CECR2: variants seen among roughly 807,000 people sequenced by gnomAD.
CECR2 encodes the protein chromatin remodeling regulator CECR2.
A neutral mutation model predicts 154.5 loss-of-function variants in CECR2; 30 were observed. The ratio of observed to expected loss-of-function variants is 0.19; its 90% CI spans 0.15 to 0.26. The LOEUF is 0.26. CECR2 is among the 10% of genes least tolerant of loss of function. The pLI, the probability that CECR2 is intolerant of heterozygous loss-of-function variation, is 1.00. For missense variants in CECR2, 1,743 were observed against 1,829.3 expected, an observed-to-expected ratio of 0.95 and a Z score of 0.86; for synonymous variants, 725 against 683.7, an observed-to-expected ratio of 1.06 and a Z score of -0.94.
At chr22:17,518,806 C>T (rs1569137255) in intron 8 of CECR2, 1 of 335,626 alleles carries the variant, frequency 3.0e-6, no homozygotes, top group East Asian at 8.7e-5. Context: ...TCTTTTTTCA[C>T]CATTGGATAG....
intron 1 of CECR2, among the ~76,000 whole-genome samples, chr22:17,456,765 G>A (rs1319864286): frequency 1.3e-5 from 2 of 152,130 alleles, no homozygotes; most frequent in African/African-American, 4.8e-5. Flanking sequence ...ACAGCATCAC[G>A]ATATGGAGAT....
intron 8 of CECR2, among the ~76,000 whole-genome samples, chr22:17,515,552 A>G (rs1159734698): frequency 1.3e-5 from 2 of 152,232 alleles, no homozygotes; most frequent in African/African-American, 2.4e-5. Context: ...TGTGATCAGT[A>G]TATTGAGACA....
intron 1 of CECR2, among the ~76,000 whole-genome samples, chr22:17,447,556 G>A (rs902037576): frequency 1.3e-5 from 2 of 151,164 alleles, no homozygotes; most frequent in East Asian, 3.9e-4. Context: ...TCATTCATTA[G>A]TTCATTCATA....
intron 1 of CECR2, among the ~76,000 whole-genome samples, chr22:17,406,703 GCT>G (rs1032071880): frequency 6.6e-5 from 10 of 152,140 alleles, no homozygotes; most frequent in Non-Finnish European, 1.2e-4. Flanking sequence ...AATCCTGCCA[GCT>G]CTTTCTTCTA....
upstream of CECR2, among the ~76,000 whole-genome samples, chr22:17,368,773 C>G (rs753815259): frequency 8.5e-5 from 13 of 152,090 alleles, no homozygotes; most frequent in Non-Finnish European, 1.2e-4. Context: ...TCACACGTGT[C>G]CATTCCCTGG....
At chr22:17,387,387 A>G (rs2063275718) in intron 1 of CECR2, among the ~76,000 whole-genome samples, 1 of 152,218 alleles carries the variant, frequency 6.6e-6, no homozygotes, top group Non-Finnish European at 1.5e-5. Context: ...AGGAAATACA[A>G]GGATTATCGA....
In CECR2 at chr22:17,395,324, G is replaced by A. The variant is rs114850414; in HGVS notation, c.126+25415G>A. Among the ~76,000 whole-genome samples, 561 of 151,732 alleles carry A rather than the reference G, an allele frequency of 3.7e-3. 3 individuals are homozygous for A. Among genetic ancestry groups the A allele is most frequent in the African/African-American group, 0.013 (526 of 41,348 alleles). On this transcript the variant is annotated intron_variant, in intron 1 of 18. Transcript: ENST00000262608. ...ATTACAGGTGTGAGCCTCCGCACCC[G>A]GCTCGAATAGAATCTTACATATTCT...
chr22:17,382,183 C>CACGG (rs2063205805), intron 1 of CECR2, among the ~76,000 whole-genome samples: 1 of 152,086 alleles, frequency 6.6e-6, no homozygotes, highest in Admixed American at 6.5e-5. Flanking sequence ...AGCCACTGTG[C>CACGG]CCGGCCAGAG....
intron 1 of CECR2, among the ~76,000 whole-genome samples, chr22:17,404,475 G>C (rs922421219): frequency 5.0e-5 from 6 of 120,748 alleles, no homozygotes; most frequent in African/African-American, 1.7e-4. Context: ...TCGGGTTCAC[G>C]CCATTCTCCT....
chr22:17,477,142 G>A (rs778450271), intron 1 of CECR2: 1 of 725,432 alleles, frequency 1.4e-6, no homozygotes, highest in South Asian at 1.5e-5. Context: ...TGTTGCAGAT[G>A]GTTTATCTCT....
chr22:17,385,097 T>C (rs2063243326), intron 1 of CECR2, among the ~76,000 whole-genome samples: 1 of 152,220 alleles, frequency 6.6e-6, no homozygotes, highest in Non-Finnish European at 1.5e-5. Context: ...TGCTCTGGAT[T>C]AGGCTTTGGC....
chr22:17,483,404 T>C (rs2146819040), intron 2 of CECR2, among the ~76,000 whole-genome samples: 1 of 151,942 alleles, frequency 6.6e-6, no homozygotes, highest in South Asian at 2.1e-4. Context: ...TACTAAAAAA[T>C]AAAAATAAAT....
Position 17,487,489 on chromosome 22 carries a change from G to C in CECR2, c.221+9807G>C, listed in dbSNP as rs559852381. 2.6e-5 allele frequency among the ~76,000 whole-genome samples: 4 copies of C among 152,130 alleles called. No homozygotes were observed. In the East Asian group the frequency reaches 7.7e-4, roughly 29 times the overall value. On this transcript the variant is annotated intron_variant, in intron 2 of 18. Coordinates refer to ENST00000262608, the MANE Select transcript of CECR2 (RefSeq NM_001290047.2). ...CCGAGGCGGGTGGATCACTAGGTCA[G>C]GAGATAGAGACCATCCTGGCTAACG... is the stretch of plus-strand genomic sequence containing the variant.
intron 1 of CECR2, among the ~76,000 whole-genome samples, chr22:17,362,471 A>G (rs1419166686): frequency 1.3e-5 from 2 of 152,216 alleles, no homozygotes; most frequent in African/African-American, 2.4e-5. Flanking sequence ...ACTAGTCCCA[A>G]CCGAGATGTC....
At chr22:17,468,034 C>T (rs1391402596) in intron 1 of CECR2, among the ~76,000 whole-genome samples, 1 of 152,150 alleles carries the variant, frequency 6.6e-6, no homozygotes, top group African/African-American at 2.4e-5. Context: ...AGAGGGCAGT[C>T]GTCTTTTGTA....
intron 2 of CECR2, among the ~76,000 whole-genome samples, chr22:17,491,915 T>C (rs1414862401): frequency 1.3e-5 from 2 of 152,248 alleles, no homozygotes; most frequent in Admixed American, 1.3e-4. Context: ...ACCATGATTT[T>C]AACTTATCTT....
intron 1 of CECR2, among the ~76,000 whole-genome samples, chr22:17,435,944 T>G (rs907806296): frequency 6.6e-5 from 10 of 152,122 alleles, no homozygotes; most frequent in African/African-American, 2.4e-4. Context: ...TTTCTTTTCT[T>G]TACCTTCTTT....
At position 17,429,468 on chromosome 22, in the gene CECR2, G is replaced by A. The variant is rs117911213; in HGVS notation, c.127-48120G>A. Among the ~76,000 whole-genome samples, 50 of 150,820 alleles carry A rather than the reference G, an allele frequency of 3.3e-4. No homozygotes were observed. In the East Asian group the frequency reaches 8.6e-3, roughly 26 times the overall value. Reference sequence around the variant, plus strand: ...TGTAATCCCAGCACTTTGGGAAGCCGAGGTAGTCGGATCGCTTGAGCCCAG... The same window carrying A: ...TGTAATCCCAGCACTTTGGGAAGCCAAGGTAGTCGGATCGCTTGAGCCCAG... On this transcript the variant is annotated intron_variant, in intron 1 of 18. Coordinates refer to ENST00000262608, the MANE Select transcript of CECR2 (RefSeq NM_001290047.2).
rs1466047827 is a variant in CECR2, at chr22:17,540,733, G to C, written c.1817G>C (p.Gly606Ala). The change falls in exon 14 of 19, where the codon GGC (glycine) becomes GCC (alanine). Residue 606 changes from glycine (G) to alanine (A), a missense_variant. Around this residue, in one of 4 missense-constraint regions of CECR2, gnomAD observed 1,250 missense variants for 1,192.1 expected, o/e 1.05. Coordinates refer to ENST00000262608, the MANE Select transcript of CECR2 (RefSeq NM_001290047.2). The stretch of plus-strand genomic sequence containing the variant: ...CCGCGGGAGGTGGGCACTTCCAATG[G>C]CCGAGGTTTTTCTCATCCCCTGCAT... The part of the protein sequence containing the change: ...QPPREVGTSN[G>A]RGFSHPLHCG... 13 of 1,611,342 alleles carry C rather than the reference G, an allele frequency of 8.1e-6. No homozygotes were observed. Among genetic ancestry groups the C allele is most frequent in the Non-Finnish European group, 1.1e-5 (13 of 1,178,826 alleles).
Sources: allele counts gnomAD v4.1 joint callset (sites outside exome capture counted in the v4.1 genomes callset), GRCh38; gene constraint gnomAD v4.1.1; regional missense constraint gnomAD v4.1.1; transcripts MANE v1.5; gene names NCBI Gene and HGNC (gene_info 2026-07-23, HGNC 2026-07-21).